Variants in CLEC7A observed in about 807,000 individuals in gnomAD.
CLEC7A encodes the protein C-type lectin domain family 7 member A.
In CLEC7A, 25 loss-of-function variants were observed where a neutral mutation model predicts 26.9. That is an observed-to-expected ratio of 0.93 (90% confidence interval 0.68 to 1.30). The LOEUF is 1.30. Among genes scored for constraint, CLEC7A ranks in the 50% most tolerant of loss-of-function variants. The probability of loss-of-function intolerance (pLI) is 0.00; values close to 1 mark genes in which losing one functional copy is unlikely to be tolerated. For missense variants in CLEC7A, 275 were observed against 286.7 expected (o/e 0.96, Z 0.29); for synonymous variants, 100 against 99.5 (o/e 1.01, Z -0.03).
At chr12:10,122,896 C>A (rs1252468126) in intron 5 of CLEC7A, among the ~76,000 whole-genome samples, 1 of 152,176 alleles carries the variant, frequency 6.6e-6, no homozygotes, top group Non-Finnish European at 1.5e-5. Context: ...TTAACCCAAA[C>A]TGAGGCCTGG....
In CLEC7A at chr12:10,125,394, T is replaced by C; in HGVS notation, c.395A>G (p.Tyr132Cys). The part of the protein sequence containing the change: ...PNWIIYEKSC[Y>C]LFSMSLNSWD... ...GGAATTTAGTGACATGCTGAATAGA[T>C]AACAGCTCTTCTCATATATAATCCA... is the stretch of plus-strand genomic sequence containing the variant. The change falls in exon 4 of 6, where the codon TAT becomes TGT. Residue 132 changes from tyrosine (Y) to cysteine (C), a missense_variant. By Grantham distance (194) the Tyr-to-Cys change is radical (BLOSUM62 -2). Transcript: ENST00000304084. 1 of 1,613,358 alleles carries C rather than the reference T, an allele frequency of 6.2e-7. No individual in the cohort carries two copies. The highest frequency in any genetic ancestry group is 8.5e-7 in the Non-Finnish European group (1 of 1,179,736).
chr12:10,127,279 G>T, intron 2 of CLEC7A: 2 of 1,461,790 alleles, frequency 1.4e-6, no homozygotes, highest in Non-Finnish European at 9.2e-7. Flanking sequence ...TTATATTAAA[G>T]ATCGGAAATA....
intron 2 of CLEC7A, chr12:10,127,534 T>C (rs1948332964): frequency 7.9e-7 from 1 of 1,270,164 alleles, no homozygotes; most frequent in South Asian, 1.2e-5. Flanking sequence ...CACCACTAAC[T>C]AGCTTATAAC....
At chr12:10,125,848 G>A (rs1056757532) in intron 3 of CLEC7A, among the ~76,000 whole-genome samples, 2 of 152,062 alleles carry the variant, frequency 1.3e-5, no homozygotes, top group Non-Finnish European at 1.5e-5. Context: ...TTCATAATGT[G>A]ACTTTCCAAG....
At position 10,127,858 on chromosome 12, in the gene CLEC7A, A is replaced by AGGGG; in HGVS notation, c.104-17_104-14dup. ...GCAGCACACGATCCTGAGGAGCCAG[A>AGGGG]GGGGGCAGAAATGGAATAAAGAAAG... On this transcript the variant is annotated splice_polypyrimidine_tract_variant and intron_variant, in intron 1 of 5. Coordinates refer to ENST00000304084, the MANE Select transcript of CLEC7A (RefSeq NM_197947.3). 6.6e-7 allele frequency: 1 copy of AGGGG among 1,506,938 alleles called. No individual in the cohort carries two copies. The highest frequency in any genetic ancestry group is 1.4e-5 in the African/African-American group (1 of 71,816). The allele number at this position is 1,506,938 out of a possible 1,614,324, so 93.3% of individuals were successfully genotyped here.
chr12:10,123,242 T>TA lies in CLEC7A; in HGVS notation c.611+2dup, dbSNP rs1316775658. On this transcript the variant is annotated splice_region_variant and intron_variant, in intron 5 of 5. Coordinates refer to ENST00000304084, the MANE Select transcript of CLEC7A (RefSeq NM_197947.3). ...ATGAAGCATTGTCTCTCCAAACACT[T>TA]ACAAGTTAGAAGAGAATGTTGATCC... is the stretch of plus-strand genomic sequence containing the variant. The TA allele has an allele frequency of 4.5e-6, 7 of 1,570,228 alleles. No homozygotes were observed. Among genetic ancestry groups the TA allele is most frequent in the Non-Finnish European group, 6.1e-6 (7 of 1,140,064 alleles).
At chr12:10,125,026 G>A (rs181560752) in intron 4 of CLEC7A, 5 of 403,050 alleles carry the variant, frequency 1.2e-5, no homozygotes, top group East Asian at 5.1e-5. Flanking sequence ...GAGAAACCTC[G>A]TCTCTATGAA....
intron 5 of CLEC7A, among the ~76,000 whole-genome samples, chr12:10,118,871 T>G (rs903596097): frequency 5.1e-4 from 77 of 152,292 alleles, no homozygotes; most frequent in African/African-American, 1.7e-3. Flanking sequence ...TCATTTAATA[T>G]TCTATAAAAA....
rs1026601167 is a variant in CLEC7A, at chr12:10,117,825, A to G, written c.*633T>C. On this transcript the variant is annotated 3_prime_UTR_variant, in exon 6 of 6. Transcript: ENST00000304084. ...GTGCACTTCAATGGCATTGTTGAGC[A>G]TGAAACAACTCTGATAGAGCCAGAA... The G allele has an allele frequency of 6.6e-6, 1 of 152,550 alleles. No homozygotes were observed. Among genetic ancestry groups the G allele is most frequent in the Non-Finnish European group, 1.5e-5 (1 of 68,306 alleles). The allele number at this position is 152,550 out of a possible 1,614,324, so 9.4% of individuals were successfully genotyped here.
chr12:10,126,914 TAA>T (rs5796381), intron 2 of CLEC7A: 1,389 of 505,882 alleles, frequency 2.7e-3, no homozygotes, highest in East Asian at 0.011. Context: ...GGAGGTATAG[TAA>T]AAAAAAAAAA....
Position 10,129,926 on chromosome 12 carries a change from T to C in CLEC7A, c.103+54A>G, listed in dbSNP as rs1394482382. The stretch of plus-strand genomic sequence containing the variant: ...AGCCACCATGCCTAGCCTCCCCTTA[T>C]ATCTTTTCAAACGGGAGAGCTAAAG... On this transcript the variant is annotated intron_variant, in intron 1 of 5. Transcript: ENST00000304084. 3.1e-5 allele frequency: 33 copies of C among 1,072,666 alleles called. No homozygotes were observed. In the South Asian group the frequency reaches 4.0e-4, roughly 13 times the overall value. The allele number at this position is 1,072,666 out of a possible 1,614,324, so 66.4% of individuals were successfully genotyped here. A position where few individuals can be genotyped will look rare whatever the true frequency, so the allele number is the denominator to read the frequency against.
At chr12:10,129,215 A>G (rs1276985756) in intron 1 of CLEC7A, among the ~76,000 whole-genome samples, 2 of 152,088 alleles carry the variant, frequency 1.3e-5, no homozygotes, top group Non-Finnish European at 2.9e-5. Flanking sequence ...TTTTTTGTTT[A>G]AAAACAATTT....
Position 10,127,860 on chromosome 12 carries a change from G to C in CLEC7A, c.104-15C>G, listed in dbSNP as rs757275734. Reference sequence around the variant, plus strand: ...AGCACACGATCCTGAGGAGCCAGAGGGGGCAGAAATGGAATAAAGAAAGAG... The same window carrying C: ...AGCACACGATCCTGAGGAGCCAGAGCGGGCAGAAATGGAATAAAGAAAGAG... On this transcript the variant is annotated splice_polypyrimidine_tract_variant and intron_variant, in intron 1 of 5. Transcript: ENST00000304084. 3.3e-6 allele frequency: 5 copies of C among 1,500,164 alleles called. No individual in the cohort carries two copies. In the East Asian group the frequency reaches 9.7e-5, roughly 29 times the overall value. The allele number at this position is 1,500,164 out of a possible 1,614,324, so 92.9% of individuals were successfully genotyped here.
Position 10,130,040 on chromosome 12 carries a change from A to G in CLEC7A, c.43T>C (p.Tyr15His). The G allele has an allele frequency of 6.2e-7, 1 of 1,609,220 alleles. No homozygotes were observed. The change falls in exon 1 of 6, where the codon TAT becomes CAT. Residue 15 changes from tyrosine (Y) to histidine (H), a missense_variant. Physicochemically the swap from Tyr to His is moderately conservative, Grantham distance 83. Coordinates refer to ENST00000304084, the MANE Select transcript of CLEC7A (RefSeq NM_197947.3). Reference protein sequence around the residue: ...PDLENLDEDGYTQLHFDSQSN... With the variant: ...PDLENLDEDGHTQLHFDSQSN... ...TGAGAGTCGAAGTGTAATTGAGTAT[A>G]TCCATCTTCATCCAAATTTTCTAAA...
intron 5 of CLEC7A, among the ~76,000 whole-genome samples, chr12:10,122,134 A>C (rs1948106049): frequency 6.6e-6 from 1 of 152,234 alleles, no homozygotes; most frequent in Admixed American, 6.5e-5. Flanking sequence ...TCTTTGAAAA[A>C]CCAAATTGAA....
intron 5 of CLEC7A, 30 bp from the exon 6 acceptor site, chr12:10,118,620 A>T (rs1459433216): frequency 1.1e-5 from 18 of 1,596,840 alleles, no homozygotes; most frequent in Non-Finnish European, 1.5e-5. Context: ...TGAGGTAATT[A>T]GAACAAATGT....
chr12:10,119,552 AG>A (rs1456911351), intron 5 of CLEC7A, among the ~76,000 whole-genome samples: 1 of 152,242 alleles, frequency 6.6e-6, no homozygotes, highest in Non-Finnish European at 1.5e-5. Flanking sequence ...CATTTAAAAT[AG>A]CAAGAGAAAA....
rs1947958705 is a variant in CLEC7A, at chr12:10,117,869, C to T, written c.*589G>A. 1 of 152,620 alleles carries T rather than the reference C, an allele frequency of 6.6e-6. No homozygotes were observed. Among genetic ancestry groups the T allele is most frequent in the African/African-American group, 2.4e-5 (1 of 41,436 alleles). 9.5% of individuals were successfully genotyped at this position (152,620 alleles called of 1,614,324 possible). ...GCCAGAAATTAAGATTCGCTTATGGCTTACCCAAGGTAAATGCCAAGTCAA... is the reference window on the plus strand; with the variant it reads ...GCCAGAAATTAAGATTCGCTTATGGTTTACCCAAGGTAAATGCCAAGTCAA... On this transcript the variant is annotated 3_prime_UTR_variant, in exon 6 of 6. Transcript: ENST00000304084.
Position 10,127,099 on chromosome 12 carries a change from A to C in CLEC7A, c.203-391T>G, listed in dbSNP as rs780786875. 177 of 1,314,944 alleles carry C rather than the reference A, an allele frequency of 1.3e-4. No homozygotes were observed. In the African/African-American group the frequency reaches 2.3e-3, roughly 17 times the overall value. The allele number at this position is 1,314,944 out of a possible 1,614,324, so 81.5% of individuals were successfully genotyped here. On this transcript the variant is annotated intron_variant, in intron 2 of 5. Coordinates refer to ENST00000304084, the MANE Select transcript of CLEC7A (RefSeq NM_197947.3). ...AGAAACTGCCCAGTACCTATAACAT[A>C]GAACGCACTCAATAAACATTTGACT...
Sources: gnomAD v4.1 joint callset for allele counts (sites outside exome capture counted in the v4.1 genomes callset) on GRCh38, gnomAD v4.1.1 for gene constraint, MANE v1.5 for transcripts, NCBI Gene and HGNC (gene_info 2026-07-23, HGNC 2026-07-21) for gene names.